Variants in MED12L observed in about 807,000 individuals in gnomAD.
MED12L encodes mediator complex subunit 12L, also known as mediator of RNA polymerase II transcription subunit 12-like protein.
A neutral mutation model predicts 281.3 loss-of-function variants in MED12L; 60 were observed. The ratio of observed to expected loss-of-function variants is 0.21; its 90% CI spans 0.17 to 0.26. The LOEUF (loss-of-function observed/expected upper bound fraction) is 0.26, where lower values mean the gene tolerates loss of function less well. MED12L is among the 10% of genes least tolerant of loss of function. The pLI, the probability that MED12L is intolerant of heterozygous loss-of-function variation, is 1.00. For missense variants in MED12L, 2,146 were observed against 2,680.9 expected, an observed-to-expected ratio of 0.80 and a Z score of 4.41; for synonymous variants, 974 against 987.2, an observed-to-expected ratio of 0.99 and a Z score of 0.25.
chr3:151,400,169 A>T (rs1052712633), intron 39 of MED12L, among the ~76,000 whole-genome samples: 2 of 152,228 alleles, frequency 1.3e-5, no homozygotes, highest in African/African-American at 4.8e-5. Flanking sequence ...CATCTAGGGA[A>T]GGGGCTTGCA....
intron 5 of MED12L, among the ~76,000 whole-genome samples, chr3:151,148,288 A>G (rs1292597501): frequency 6.6e-6 from 1 of 152,186 alleles, no homozygotes; most frequent in African/African-American, 2.4e-5. Context: ...TTCTCTCCCA[A>G]TTGGTGTGTT....
At position 151,192,541 on chromosome 3, in the gene MED12L, G is replaced by T; in HGVS notation, c.1969-9G>T. 2 of 1,517,432 alleles carry T rather than the reference G, an allele frequency of 1.3e-6. No homozygotes were observed. The highest frequency in any genetic ancestry group is 2.4e-5 in the South Asian group (2 of 83,528). The allele number at this position is 1,517,432 out of a possible 1,614,324, so 94.0% of individuals were successfully genotyped here. On this transcript the variant is annotated splice_polypyrimidine_tract_variant and intron_variant, in intron 14 of 44. Coordinates refer to ENST00000687756, the MANE Select transcript of MED12L (RefSeq NM_001393769.1). ...TACAATGTTACTTTCTTTCTCTGGC[G>T]ATTATCAGGAACAGAGTATTATGGC...
chr3:151,148,234 A>T (rs940128089), intron 5 of MED12L, among the ~76,000 whole-genome samples: 4 of 152,154 alleles, frequency 2.6e-5, no homozygotes, highest in Non-Finnish European at 4.4e-5. Flanking sequence ...TTAATAGTTC[A>T]TCATGTATTC....
At chr3:151,176,166 C>G (rs1278862678) in intron 11 of MED12L, among the ~76,000 whole-genome samples, 2 of 152,142 alleles carry the variant, frequency 1.3e-5, no homozygotes, top group African/African-American at 4.8e-5. Context: ...TTGAGTTGGA[C>G]TCAGATTTGA....
intron 16 of MED12L, among the ~76,000 whole-genome samples, chr3:151,207,047 A>ATT (rs879695592): frequency 7.6e-5 from 10 of 131,952 alleles, no homozygotes; most frequent in Admixed American, 2.3e-4. Flanking sequence ...TAGCCATGTG[A>ATT]TTTTTTTTTT....
chr3:151,196,843 G>A (rs1218887046), intron 16 of MED12L, among the ~76,000 whole-genome samples: 1 of 152,178 alleles, frequency 6.6e-6, no homozygotes, highest in Admixed American at 6.5e-5. Flanking sequence ...GGATTTTCAA[G>A]CTTTAGAAAA....
At chr3:151,326,174 C>T (rs906436995) in intron 16 of MED12L, 1 of 152,498 alleles carries the variant, frequency 6.6e-6, no homozygotes, top group Non-Finnish European at 1.5e-5. Flanking sequence ...TTTTCAGGCC[C>T]TACATACATG....
chr3:151,343,167 C>G lies in MED12L; in HGVS notation c.2251-6892C>G, dbSNP rs540736098. On this transcript the variant is annotated intron_variant, in intron 16 of 44. Coordinates refer to ENST00000687756, the MANE Select transcript of MED12L (RefSeq NM_001393769.1). ...TTCAATAAAATAAGGACCATACTCT[C>G]CTTTACAGCAAATTGTAAATGCTAA... 7.9e-5 allele frequency among the ~76,000 whole-genome samples: 12 copies of G among 152,272 alleles called. No individual in the cohort carries two copies. The East Asian group carries it at 2.3e-3, about 29-fold the overall frequency.
chr3:151,376,283 C>A, intron 28 of MED12L, 69 bp downstream of exon 28: 1 of 1,203,734 alleles, frequency 8.3e-7, no homozygotes, highest in South Asian at 2.6e-5. Flanking sequence ...GAGTTACTTC[C>A]TCTCTTTTTT....
chr3:151,331,604 A>G (rs1469961718), intron 16 of MED12L, among the ~76,000 whole-genome samples: 2 of 152,194 alleles, frequency 1.3e-5, no homozygotes, highest in East Asian at 3.9e-4. Flanking sequence ...ACATATGGTG[A>G]TGTCTCACGA....
At chr3:151,374,201 A>G (rs972800017) in intron 27 of MED12L, among the ~76,000 whole-genome samples, 12 of 150,358 alleles carry the variant, frequency 8.0e-5, no homozygotes, top group African/African-American at 2.5e-4. Flanking sequence ...GGCATGTTAA[A>G]TGTGCTATCC....
intron 16 of MED12L, among the ~76,000 whole-genome samples, chr3:151,241,019 G>A (rs756423465): frequency 6.6e-6 from 1 of 152,076 alleles, no homozygotes; most frequent in African/African-American, 2.4e-5. Context: ...AAAACATCCA[G>A]TGAGATGAGA....
At chr3:151,330,603 T>TAA (rs1750240487) in intron 16 of MED12L, among the ~76,000 whole-genome samples, 1 of 152,176 alleles carries the variant, frequency 6.6e-6, no homozygotes, top group Admixed American at 6.5e-5. Flanking sequence ...CCACAAGTGT[T>TAA]ACCATGGAGT....
chr3:151,114,228 C>T (rs1321156876), intron 2 of MED12L, among the ~76,000 whole-genome samples: 2 of 152,158 alleles, frequency 1.3e-5, no homozygotes, highest in Non-Finnish European at 2.9e-5. Context: ...TGATAATGTA[C>T]ACGTAACTCA....
chr3:151,370,532 A>T (rs1479984632), intron 26 of MED12L, among the ~76,000 whole-genome samples: 1 of 152,192 alleles, frequency 6.6e-6, no homozygotes, highest in Non-Finnish European at 1.5e-5. Context: ...TGTAGTAAAA[A>T]GGGGAGGTAG....
intron 16 of MED12L, among the ~76,000 whole-genome samples, chr3:151,196,484 T>G (rs564699596): frequency 1.3e-5 from 2 of 152,300 alleles, no homozygotes; most frequent in African/African-American, 4.8e-5. Flanking sequence ...GGGGCCCTAC[T>G]AAATGAAGAC....
chr3:151,150,054 C>T (rs1194275783), intron 5 of MED12L, among the ~76,000 whole-genome samples: 1 of 152,168 alleles, frequency 6.6e-6, no homozygotes, highest in African/African-American at 2.4e-5. Flanking sequence ...CAATATTTGA[C>T]CCCCTGACAC....
chr3:151,424,093 T>TA (rs748397125), intron 43 of MED12L, among the ~76,000 whole-genome samples: 1 of 152,220 alleles, frequency 6.6e-6, no homozygotes, highest in Non-Finnish European at 1.5e-5. Flanking sequence ...AATTGGGAAG[T>TA]AGCAGGCACA....
chr3:151,365,244 G>GCAACAACTCTTTGGTT, intron 22 of MED12L, 38 bp downstream of exon 22: 1 of 1,541,848 alleles, frequency 6.5e-7, no homozygotes, highest in Non-Finnish European at 9.0e-7. Context: ...ATTAACCAAA[G>GCAACAACTCTTTGGTT]AGTTGTTGCC....
Sources: allele counts gnomAD v4.1 joint callset (sites outside exome capture counted in the v4.1 genomes callset), GRCh38; gene constraint gnomAD v4.1.1; transcripts MANE v1.5; gene names NCBI Gene and HGNC (gene_info 2026-07-23, HGNC 2026-07-21).